The following CPEB3 variants were observed in gnomAD, a reference collection of about 807,000 sequenced individuals.
CPEB3 encodes cytoplasmic polyadenylation element binding protein 3, also known as cytoplasmic polyadenylation element-binding protein 3.
In CPEB3, 20 loss-of-function variants were observed where a neutral mutation model predicts 67.2. The observed-to-expected ratio is 0.30, with a 90% CI of 0.21 to 0.43. The LOEUF (loss-of-function observed/expected upper bound fraction) is 0.43. CPEB3 is among the 20% of genes least tolerant of loss of function. CPEB3 has a pLI of 1.00. For missense variants in CPEB3, 746 were observed against 968.6 expected (o/e 0.77, Z 3.05); for synonymous variants, 376 against 393.1 (o/e 0.96, Z 0.51).
rs959728521 is a variant in CPEB3, at chr10:92,227,845, C to G, written c.1005+11501G>C. ...TGACCTCGTGATCCACCCGCCTTGG[C>G]CTCCCAAAGTGCTGGGATTACAGGC... On this transcript the variant is annotated intron_variant, in intron 2 of 9. Transcript: ENST00000265997. Among the ~76,000 whole-genome samples, 5 of 151,884 alleles carry G rather than the reference C, an allele frequency of 3.3e-5. No homozygotes were observed. The South Asian group carries it at 1.0e-3, about 32-fold the overall frequency.
intron 4 of CPEB3, among the ~76,000 whole-genome samples, chr10:92,176,521 A>G (rs1439933728): frequency 6.6e-6 from 1 of 152,238 alleles, no homozygotes; most frequent in Non-Finnish European, 1.5e-5. Context: ...GCCTGCTTCA[A>G]AGACATCTTC....
intron 4 of CPEB3, among the ~76,000 whole-genome samples, chr10:92,145,404 G>T (rs538625348): frequency 6.6e-6 from 1 of 152,090 alleles, no homozygotes; most frequent in Non-Finnish European, 1.5e-5. Flanking sequence ...TGAGGTGGGC[G>T]CATCACCTGA....
chr10:92,167,663 T>C (rs1304886288), intron 4 of CPEB3, among the ~76,000 whole-genome samples: 1 of 152,136 alleles, frequency 6.6e-6, no homozygotes, highest in Non-Finnish European at 1.5e-5. Flanking sequence ...TCCCAGCACT[T>C]TGGGAAGCCG....
intron 8 of CPEB3, among the ~76,000 whole-genome samples, chr10:92,085,639 C>T (rs1419280130): frequency 3.3e-5 from 5 of 152,020 alleles, no homozygotes; most frequent in East Asian, 1.9e-4. Context: ...GATGGAATCT[C>T]GCTCTATCGC....
intron 4 of CPEB3, among the ~76,000 whole-genome samples, chr10:92,150,823 A>G (rs754018802): frequency 6.6e-6 from 1 of 152,204 alleles, no homozygotes; most frequent in Non-Finnish European, 1.5e-5. Context: ...ATCAAAAAAT[A>G]TATTTCTATG....
intron 9 of CPEB3, 32 bp from the exon 10 acceptor site, chr10:92,052,471 G>T: frequency 6.3e-7 from 1 of 1,578,638 alleles, no homozygotes; most frequent in South Asian, 1.1e-5. Context: ...AGAGAAAAAT[G>T]ATTTAGCAAA....
intron 7 of CPEB3, among the ~76,000 whole-genome samples, chr10:92,098,102 G>A (rs1032998400): frequency 4.0e-5 from 5 of 125,208 alleles, no homozygotes; most frequent in Admixed American, 9.8e-5. Flanking sequence ...TGGATGCTAC[G>A]GTGAGCCAAG....
At chr10:92,275,556 CACTT>C (rs1276664659) in intron 1 of CPEB3, among the ~76,000 whole-genome samples, 9 of 152,252 alleles carry the variant, frequency 5.9e-5, no homozygotes, top group East Asian at 1.9e-4. Flanking sequence ...ATAATTCACT[CACTT>C]AAAGTGTACA....
intron 8 of CPEB3, among the ~76,000 whole-genome samples, chr10:92,090,013 T>C (rs1183414290): frequency 1.3e-5 from 2 of 152,136 alleles, no homozygotes; most frequent in East Asian, 3.8e-4. Context: ...CTTCACAGGA[T>C]TTACAGAAGA....
In CPEB3 at chr10:92,186,151, C is replaced by T. The variant is rs377646789; in HGVS notation, c.1166-5132G>A. ...CTTTGGGAGGCAGAGGTGGGCAGAT[C>T]GCTTGAGCTCAGGAGTTAGAGACCA... On this transcript the variant is annotated intron_variant, in intron 3 of 9. Transcript: ENST00000265997. Among the ~76,000 whole-genome samples the T allele has an allele frequency of 6.6e-4, 98 of 148,604 alleles. No homozygotes were observed. The East Asian group carries it at 0.018, about 28-fold the overall frequency.
chr10:92,216,596 G>A, intron 2 of CPEB3: 9 of 1,610,464 alleles, frequency 5.6e-6, no homozygotes, highest in East Asian at 2.2e-5. Flanking sequence ...ACTGCCCATT[G>A]AGGTATACTG....
At chr10:92,152,116 C>G (rs984698357) in intron 4 of CPEB3, among the ~76,000 whole-genome samples, 1 of 152,228 alleles carries the variant, frequency 6.6e-6, no homozygotes, top group Non-Finnish European at 1.5e-5. Context: ...TTTCCTTCCT[C>G]CAAACTCATC....
chr10:92,106,849 GAAAA>G (rs1844495142), intron 7 of CPEB3, among the ~76,000 whole-genome samples: 6 of 113,650 alleles, frequency 5.3e-5, no homozygotes, highest in Admixed American at 5.2e-4. Context: ...AAGAAAGAAA[GAAAA>G]AAGAAAAAAA....
rs756970118 is a variant in CPEB3, at chr10:92,188,320, T to TAAA, written c.1165+4154_1165+4156dup. 1.6e-3 allele frequency among the ~76,000 whole-genome samples: 61 copies of TAAA among 36,972 alleles called. 2 individuals are homozygous for TAAA. The highest frequency in any genetic ancestry group is 5.3e-3 in the East Asian group (6 of 1,130). 24.3% of individuals were successfully genotyped at this position (36,972 alleles called of 152,430 possible). A position where few individuals can be genotyped will look rare whatever the true frequency, so the allele number is the denominator to read the frequency against. On this transcript the variant is annotated intron_variant, in intron 3 of 9. Transcript: ENST00000265997. Reference sequence around the variant, plus strand: ...AAAGAAAAGTATATGTAAGACATAGTAAAAAAAAAAAAAAAAAAAAAAAAA... The same window carrying TAAA: ...AAAGAAAAGTATATGTAAGACATAGTAAAAAAAAAAAAAAAAAAAAAAAAAAAA...
At chr10:92,079,301 G>A (rs1843050482) in intron 9 of CPEB3, among the ~76,000 whole-genome samples, 1 of 152,104 alleles carries the variant, frequency 6.6e-6, no homozygotes, top group Non-Finnish European at 1.5e-5. Context: ...TGACTAAATC[G>A]AGCAATGGGT....
At chr10:92,052,554 C>T in intron 9 of CPEB3, 115 bp from the exon 10 acceptor site, 1 of 835,916 alleles carries the variant, frequency 1.2e-6, no homozygotes, top group Admixed American at 2.3e-5. Context: ...ACGCTGCTTT[C>T]AACTCTGCTG....
At chr10:92,269,823 G>T (rs933507876) in intron 1 of CPEB3, among the ~76,000 whole-genome samples, 1 of 152,094 alleles carries the variant, frequency 6.6e-6, no homozygotes, top group African/African-American at 2.4e-5. Context: ...ATCCCAAAGT[G>T]CTGGGATTAT....
chr10:92,191,386 A>T (rs984362908), intron 3 of CPEB3, among the ~76,000 whole-genome samples: 9 of 151,256 alleles, frequency 6.0e-5, no homozygotes, highest in Non-Finnish European at 1.0e-4. Context: ...TCTCAAAAAA[A>T]TAAAAAATAA....
chr10:92,274,678 T>TA (rs1258856560), intron 1 of CPEB3, among the ~76,000 whole-genome samples: 1 of 151,944 alleles, frequency 6.6e-6, no homozygotes, highest in African/African-American at 2.4e-5. Context: ...CCATCTCTAC[T>TA]AAAAATGCAA....
Sources: gnomAD v4.1 joint callset for allele counts (sites outside exome capture counted in the v4.1 genomes callset) on GRCh38, gnomAD v4.1.1 for gene constraint, MANE v1.5 for transcripts, NCBI Gene and HGNC (gene_info 2026-07-23, HGNC 2026-07-21) for gene names.